ARG2: variants seen among roughly 807,000 people sequenced by gnomAD.
ARG2 encodes the protein arginase 2.
Under a neutral mutation model 39.4 loss-of-function variants are expected in ARG2, and 21 were observed. The observed-to-expected ratio is 0.53, with a 90% CI of 0.38 to 0.77. ARG2 has a LOEUF of 0.77. Ranked by LOEUF, ARG2 falls within the 30% of genes least tolerant of loss-of-function variation. The pLI is 0.00. For synonymous variants in ARG2, 150 were observed against 156.7 expected, an observed-to-expected ratio of 0.96 and a Z score of 0.32; for missense variants, 378 against 426.2, an observed-to-expected ratio of 0.89 and a Z score of 1.00.
Position 67,620,894 on chromosome 14 carries a change from A to G in ARG2, c.112A>G (p.Lys38Glu). The part of the protein sequence containing the change: ...VIGAPFSQGQ[K>E]RKGVEHGPAA... ...ATTGTGTAATTTGTGTGACTGACAG[A>G]AAAGAAAAGGAGTGGAGCATGGTCC... The change falls in exon 2 of 8, where the codon AAA becomes GAA. Residue 38 changes from lysine (K) to glutamate (E), a missense_variant and splice_region_variant. Transcript: ENST00000261783. 1 of 1,614,084 alleles carries G rather than the reference A, an allele frequency of 6.2e-7. No homozygotes were observed. The highest frequency in any genetic ancestry group is 1.6e-4 in the Middle Eastern group (1 of 6,062).
chr14:67,640,960 A>G (rs2037023947), intron 2 of ARG2, among the ~76,000 whole-genome samples: 1 of 152,240 alleles, frequency 6.6e-6, no homozygotes, highest in Non-Finnish European at 1.5e-5. Flanking sequence ...TGACATTACA[A>G]GTTACCCTGA....
chr14:67,634,635 G>A lies in ARG2; in HGVS notation c.185-7551G>A, dbSNP rs554130364. Among the ~76,000 whole-genome samples, 261 of 151,288 alleles carry A rather than the reference G, an allele frequency of 1.7e-3. 14 individuals are homozygous for A. In the South Asian group the frequency reaches 0.054, roughly 31 times the overall value. On this transcript the variant is annotated intron_variant, in intron 2 of 7. Coordinates refer to ENST00000261783, the MANE Select transcript of ARG2 (RefSeq NM_001172.4). ...AGCTAGTAGGTAGTAATGATGATGAGTTATTGCTCCCTTTTTTGAAATACA... is the reference window on the plus strand; with the variant it reads ...AGCTAGTAGGTAGTAATGATGATGAATTATTGCTCCCTTTTTTGAAATACA...
In ARG2 at chr14:67,619,998, C is replaced by T; in HGVS notation, c.21C>T (p.Leu7=). ...GGATCATGTCCCTAAGGGGCAGCCT[C>T]TCGCGTCTCCTCCAGACGCGAGTGC... MSLRGS[L]SRLLQTRVHS... The change falls in exon 1 of 8, where the codon CTC becomes CTT. Residue 7 remains leucine, a synonymous_variant. Coordinates refer to ENST00000261783, the MANE Select transcript of ARG2 (RefSeq NM_001172.4). 6.2e-7 allele frequency: 1 copy of T among 1,607,932 alleles called. No homozygotes were observed.
intron 6 of ARG2, chr14:67,647,451 T>C (rs983877716): frequency 1.2e-5 from 2 of 160,212 alleles, no homozygotes; most frequent in African/African-American, 2.4e-5. Flanking sequence ...TCTTTACTTC[T>C]GGGTGATTAA....
intron 6 of ARG2, chr14:67,647,452 G>C (rs2037114859): frequency 6.3e-6 from 1 of 159,686 alleles, no homozygotes; most frequent in South Asian, 1.9e-4. Context: ...CTTTACTTCT[G>C]GGTGATTAAT....
intron 2 of ARG2, among the ~76,000 whole-genome samples, chr14:67,629,405 TA>T (rs1469558530): frequency 6.6e-6 from 1 of 152,184 alleles, no homozygotes; most frequent in African/African-American, 2.4e-5. Flanking sequence ...TTGAGGACAT[TA>T]TGCTAAGTGA....
At chr14:67,621,079 A>G (rs2036805488) in intron 2 of ARG2, 113 bp downstream of exon 2, 2 of 951,062 alleles carry the variant, frequency 2.1e-6, no homozygotes, top group Non-Finnish European at 3.3e-6. Context: ...AGTCTGCCAC[A>G]TCCCGCATCC....
chr14:67,620,018 G>T lies in ARG2; in HGVS notation c.41G>T (p.Arg14Leu), dbSNP rs1457192899. 1 of 1,611,560 alleles carries T rather than the reference G, an allele frequency of 6.2e-7. No homozygotes were observed. The highest frequency in any genetic ancestry group is 8.5e-7 in the Non-Finnish European group (1 of 1,178,956). The change falls in exon 1 of 8, where the codon CGA becomes CTA. Residue 14 changes from arginine (R) to leucine (L), a missense_variant. Arg to Leu is a moderately radical substitution (Grantham distance 102). Transcript: ENST00000261783. ...RGSLSRLLQTRVHSILKKSVH... is the reference protein window; with the variant it reads ...RGSLSRLLQTLVHSILKKSVH... ...AGCCTCTCGCGTCTCCTCCAGACGC[G>T]AGTGCATTCCATCCTGAAGAAATCC...
In ARG2 at chr14:67,619,974, G is replaced by A. The variant is rs772924714; in HGVS notation, c.-4G>A. The stretch of plus-strand genomic sequence containing the variant: ...TGCCTTGGAGATTCTCAGTGCTGCG[G>A]ATCATGTCCCTAAGGGGCAGCCTCT... On this transcript the variant is annotated 5_prime_UTR_variant, in exon 1 of 8. Transcript: ENST00000261783. The A allele has an allele frequency of 6.3e-7, 1 of 1,585,968 alleles. No homozygotes were observed. The highest frequency in any genetic ancestry group is 8.6e-7 in the Non-Finnish European group (1 of 1,165,908).
In ARG2 at chr14:67,620,085, G is replaced by A. The variant is rs143687219; in HGVS notation, c.108G>A (p.Gly36=). ...TGATAGGAGCCCCGTTCTCACAAGGGCAGGTGAGAACTGGCACCTGGAACC... is the reference window on the plus strand; with the variant it reads ...TGATAGGAGCCCCGTTCTCACAAGGACAGGTGAGAACTGGCACCTGGAACC... ...VAVIGAPFSQ[G]QKRKGVEHGP... is the part of the protein sequence containing the mutation. Residue 36 remains glycine (G), a synonymous_variant, in exon 1 of 8, where the codon GGG becomes GGA. Coordinates refer to ENST00000261783, the MANE Select transcript of ARG2 (RefSeq NM_001172.4). The A allele has an allele frequency of 4.6e-4, 735 of 1,601,366 alleles. 1 individual carries two copies. The African/African-American group carries it at 8.8e-3, about 19-fold the overall frequency.
At chr14:67,632,088 G>A (rs1467310230) in intron 2 of ARG2, among the ~76,000 whole-genome samples, 6 of 151,882 alleles carry the variant, frequency 4.0e-5, no homozygotes, top group African/African-American at 1.5e-4. Context: ...GTCTCACTAT[G>A]CTGCCCCAGG....
chr14:67,644,025 A>G (rs1012364519), intron 3 of ARG2, among the ~76,000 whole-genome samples: 7 of 152,144 alleles, frequency 4.6e-5, no homozygotes, highest in Non-Finnish European at 8.8e-5. Flanking sequence ...TGCTGTTCTG[A>G]GTTCTGGTCA....
chr14:67,623,762 G>A (rs540870010), intron 2 of ARG2, among the ~76,000 whole-genome samples: 5 of 152,044 alleles, frequency 3.3e-5, no homozygotes, highest in African/African-American at 7.2e-5. Context: ...GGCTGATCTC[G>A]AACTCCTGAC....
intron 3 of ARG2, among the ~76,000 whole-genome samples, chr14:67,644,883 A>C (rs1312827603): frequency 6.6e-6 from 1 of 151,970 alleles, no homozygotes; most frequent in African/African-American, 2.4e-5. Flanking sequence ...CTGTAATCCC[A>C]ATTACTCGGG....
chr14:67,642,191 C>T lies in ARG2; in HGVS notation c.190C>T (p.His64Tyr), dbSNP rs1411986978. The T allele has an allele frequency of 1.2e-6, 2 of 1,613,096 alleles. No homozygotes were observed. Among genetic ancestry groups the T allele is most frequent in the East Asian group, 4.5e-5 (2 of 44,838 alleles). The change falls in exon 3 of 8, where the codon CAC (histidine) becomes TAC (tyrosine). Residue 64 changes from histidine to tyrosine, a missense_variant. Transcript: ENST00000261783. ...LMKRLSSLGC[H>Y]LKDFGDLSFT... ...CATCCCTCATTTGCTTCCAGGCTGC[C>T]ACCTAAAAGACTTTGGAGATTTGAG...
chr14:67,647,958 C>A, intron 6 of ARG2, 89 bp from the exon 7 acceptor site: 1 of 1,277,176 alleles, frequency 7.8e-7, no homozygotes, highest in South Asian at 1.4e-5. Flanking sequence ...GCAACAAAAT[C>A]AAGGAGTTGC....
chr14:67,624,400 A>G (rs1594821608), intron 2 of ARG2, among the ~76,000 whole-genome samples: 2 of 152,334 alleles, frequency 1.3e-5, no homozygotes, highest in Non-Finnish European at 2.9e-5. Context: ...GAGACTGGGT[A>G]ATTTAAAAAG....
chr14:67,625,809 T>A (rs2036860622), intron 2 of ARG2, among the ~76,000 whole-genome samples: 2 of 149,024 alleles, frequency 1.3e-5, no homozygotes, highest in Non-Finnish European at 3.0e-5. Flanking sequence ...ATATACCTGA[T>A]AAGATTCTAG....
chr14:67,650,436 A>G (rs1246440551), intron 7 of ARG2: 3 of 414,174 alleles, frequency 7.2e-6, no homozygotes, highest in Non-Finnish European at 8.8e-6. Flanking sequence ...TTCCTTTTCC[A>G]GAACGCCTGA....
Sources: allele counts gnomAD v4.1 joint callset (sites outside exome capture counted in the v4.1 genomes callset), GRCh38; gene constraint gnomAD v4.1.1; transcripts MANE v1.5; gene names NCBI Gene and HGNC (gene_info 2026-07-23, HGNC 2026-07-21).